KRT86: variants seen among roughly 807,000 people sequenced by gnomAD.
KRT86 encodes keratin, type II cuticular Hb6.
Under a neutral mutation model 41.2 loss-of-function variants are expected in KRT86, and 30 were observed. That is an observed-to-expected ratio of 0.73 (90% CI 0.54 to 0.99). KRT86 has a LOEUF of 0.99. Ranked by LOEUF, KRT86 falls within the 50% of genes least tolerant of loss-of-function variation. The pLI is 0.00. For synonymous variants in KRT86, 238 were observed against 238.1 expected, an observed-to-expected ratio of 1.00 and a Z score of 0.00; for missense variants, 561 against 571.4, an observed-to-expected ratio of 0.98 and a Z score of 0.19.
intron 5 of KRT86, among the ~76,000 whole-genome samples, chr12:52,304,437 GGTCT>G (rs1938452304): frequency 7.0e-6 from 1 of 143,650 alleles, no homozygotes; most frequent in Non-Finnish European, 1.5e-5. Flanking sequence ...CAGAGGTTGT[GGTCT>G]ATTGCTGAGG....
At chr12:52,298,785 TTTTA>T (rs201280460) in intron 2 of KRT86, among the ~76,000 whole-genome samples, 2 of 151,832 alleles carry the variant, frequency 1.3e-5, no homozygotes, top group Non-Finnish European at 2.9e-5. Flanking sequence ...TATTCAAACT[TTTTA>T]TTTATTTATT....
At chr12:52,286,359 C>G in intron 2 of KRT86, 1 of 1,555,134 alleles carries the variant, frequency 6.4e-7, no homozygotes, top group Non-Finnish European at 8.7e-7. Context: ...TTCAATTGGC[C>G]GCAGGGCGCA....
chr12:52,286,123 G>C, intron 2 of KRT86: 1 of 782,374 alleles, frequency 1.3e-6, no homozygotes, highest in Non-Finnish European at 2.2e-6. Context: ...AGAAATGTGA[G>C]GCCAGGAGTG....
At chr12:52,293,243 C>T (rs7132457) in intron 2 of KRT86, among the ~76,000 whole-genome samples, 1,950 of 152,248 alleles carry the variant, frequency 0.013, 40 homozygotes, top group African/African-American at 0.045. Context: ...CATTATATAT[C>T]GTAAATGATC....
intron 2 of KRT86, chr12:52,287,953 G>C (rs763595422): frequency 5.0e-6 from 8 of 1,613,966 alleles, no homozygotes; most frequent in South Asian, 1.1e-5. Flanking sequence ...CCACTGACAC[G>C]TCTAGCAGGC....
rs751403635 is a variant in KRT86 at position 52,288,074 on chromosome 12, G to T, written c.-5+12128G>T. The T allele has an allele frequency of 1.4e-5, 22 of 1,614,216 alleles. No individual in the cohort carries two copies. In the South Asian group the frequency reaches 2.3e-4, roughly 17 times the overall value. On this transcript the variant is annotated intron_variant, in intron 2 of 10. Coordinates refer to ENST00000423955, the MANE Select transcript of KRT86 (RefSeq NM_001320198.2). ...TAATCTCGGCAATGATGCAGTCCATGTTCAGGTCCCGGCTGTTGTCCAGCT... is the reference window on the plus strand; with the variant it reads ...TAATCTCGGCAATGATGCAGTCCATTTTCAGGTCCCGGCTGTTGTCCAGCT...
Position 52,287,003 on chromosome 12 carries a change from T to C in KRT86, c.-5+11057T>C. On this transcript the variant is annotated intron_variant, in intron 2 of 10. Coordinates refer to ENST00000423955, the MANE Select transcript of KRT86 (RefSeq NM_001320198.2). ...CACCGGAAGTGAATAATAATATTTT[T>C]TTCCCCCAGAGCCCTGGCCATTGCT... The C allele has an allele frequency of 1.9e-6, 3 of 1,602,214 alleles. No individual in the cohort carries two copies. In the South Asian group the frequency reaches 3.3e-5, roughly 18 times the overall value.
intron 2 of KRT86, among the ~76,000 whole-genome samples, chr12:52,300,097 A>C (rs1246832101): frequency 1.3e-5 from 2 of 152,172 alleles, no homozygotes; most frequent in Non-Finnish European, 2.9e-5. Context: ...TAAGTCTTTA[A>C]TCCATTTTAA....
Position 52,305,711 on chromosome 12 carries a change from C to A in KRT86, c.949C>A (p.Arg317Ser). The change falls in exon 8 of 11, where the codon CGC becomes AGC. Residue 317 changes from arginine (R) to serine (S), a missense_variant. By Grantham distance (110) the Arg-to-Ser change is moderately radical (BLOSUM62 -1). Transcript: ENST00000423955. ...GATCAGGCACGGGGAGACCCTGCGC[C>A]GCACCAAGGAGGAGATCAACGAGCT... ...TVIRHGETLR[R>S]TKEEINELNR... 6.2e-7 allele frequency: 1 copy of A among 1,614,048 alleles called. No individual in the cohort carries two copies. Among genetic ancestry groups the A allele is most frequent in the Non-Finnish European group, 8.5e-7 (1 of 1,179,936 alleles).
intron 10 of KRT86, 39 bp downstream of exon 10, chr12:52,308,303 G>T (rs761564915): frequency 6.2e-7 from 1 of 1,614,052 alleles, no homozygotes; most frequent in Admixed American, 1.7e-5. Context: ...CGCTGGGCGG[G>T]TCTGGGAGCC....
intron 2 of KRT86, among the ~76,000 whole-genome samples, chr12:52,296,025 A>T (rs951724561): frequency 1.3e-5 from 2 of 152,178 alleles, no homozygotes; most frequent in Non-Finnish European, 2.9e-5. Context: ...AAAGTCAGCC[A>T]ATGAGAACAA....
In KRT86 at chr12:52,308,223, C is replaced by G; in HGVS notation, c.1248-10C>G. ...CCGCGGCACTGACCTCTCGCCTTCTCTCCCTGCAGGCTGTGCGAGGGCGTC... is the reference window on the plus strand; with the variant it reads ...CCGCGGCACTGACCTCTCGCCTTCTGTCCCTGCAGGCTGTGCGAGGGCGTC... On this transcript the variant is annotated splice_polypyrimidine_tract_variant and intron_variant, in intron 9 of 10. Transcript: ENST00000423955. 6.2e-7 allele frequency: 1 copy of G among 1,614,228 alleles called. No homozygotes were observed. Among genetic ancestry groups the G allele is most frequent in the South Asian group, 1.1e-5 (1 of 91,086 alleles).
intron 2 of KRT86, among the ~76,000 whole-genome samples, chr12:52,295,611 C>A (rs1257159377): frequency 6.6e-6 from 1 of 152,138 alleles, no homozygotes; most frequent in African/African-American, 2.4e-5. Context: ...TTGTTCTTGG[C>A]AAGCTTCCAG....
chr12:52,283,598 C>G (rs1321970106), intron 2 of KRT86, among the ~76,000 whole-genome samples: 3 of 150,660 alleles, frequency 2.0e-5, no homozygotes, highest in South Asian at 4.2e-4. Context: ...CCTGTCTCAG[C>G]CTCCCAAGTA....
chr12:52,287,295 G>T, intron 2 of KRT86: 1 of 1,614,030 alleles, frequency 6.2e-7, no homozygotes, highest in Non-Finnish European at 8.5e-7. Flanking sequence ...TGCTCAGACT[G>T]GGCCACCGCG....
chr12:52,286,923 A>G lies in KRT86; in HGVS notation c.-5+10977A>G. The G allele has an allele frequency of 3.3e-6, 5 of 1,538,410 alleles. No homozygotes were observed. In the South Asian group the frequency reaches 3.4e-5, roughly 11 times the overall value. On this transcript the variant is annotated intron_variant, in intron 2 of 10. Transcript: ENST00000423955. Reference sequence around the variant, plus strand: ...AGGGTCCACAACTGGTCAATTAAGAACAGAGTCTGAGGGAACAGCTTGCCT... The same window carrying G: ...AGGGTCCACAACTGGTCAATTAAGAGCAGAGTCTGAGGGAACAGCTTGCCT...
intron 2 of KRT86, chr12:52,287,495 G>A: frequency 6.2e-7 from 1 of 1,606,938 alleles, no homozygotes; most frequent in Non-Finnish European, 8.5e-7. Flanking sequence ...TGGACAAAGG[G>A]GGTGGAGAAT....
intron 2 of KRT86, chr12:52,286,119 G>A: frequency 2.6e-6 from 2 of 767,598 alleles, no homozygotes; most frequent in Non-Finnish European, 4.4e-6. Flanking sequence ...ACAGAGAAAT[G>A]TGAGGCCAGG....
At chr12:52,287,932 T>G in intron 2 of KRT86, 1 of 1,613,914 alleles carries the variant, frequency 6.2e-7, no homozygotes, top group Non-Finnish European at 8.5e-7. Flanking sequence ...AATAGATATC[T>G]CACATCCCTC....
Sources: gnomAD v4.1 joint callset for allele counts (sites outside exome capture counted in the v4.1 genomes callset) on GRCh38, gnomAD v4.1.1 for gene constraint, MANE v1.5 for transcripts, NCBI Gene and HGNC (gene_info 2026-07-23, HGNC 2026-07-21) for gene names.